The following CACNA1D variants were observed in gnomAD, a reference collection of about 807,000 sequenced individuals.
CACNA1D encodes the protein calcium voltage-gated channel subunit alpha1 D, also known as voltage-dependent L-type calcium channel subunit alpha-1D.
CACNA1D carries 55 observed loss-of-function variants against 257.1 expected under a neutral mutation model. That is an observed-to-expected ratio of 0.21 (90% CI 0.17 to 0.27). The LOEUF (loss-of-function observed/expected upper bound fraction) is 0.27. Among genes scored for constraint, CACNA1D ranks in the 10% least tolerant of loss-of-function variants. The pLI, the probability that CACNA1D is intolerant of heterozygous loss-of-function variation, is 1.00. For synonymous variants in CACNA1D, 980 were observed against 1,014.9 expected (o/e 0.97, Z 0.65); for missense variants, 1,876 against 2,784.0 (o/e 0.67, Z 7.34).
intron 39 of CACNA1D, chr3:53,786,534 G>A: frequency 2.5e-6 from 1 of 395,546 alleles, no homozygotes; most frequent in Non-Finnish European, 4.7e-6. Context: ...ATTTCATAGT[G>A]TTACTAATAT....
At position 53,666,549 on chromosome 3, in the gene CACNA1D, G is replaced by C. The variant is rs199753638; in HGVS notation, c.1116+14G>C. 1 of 1,602,424 alleles carries C rather than the reference G, an allele frequency of 6.2e-7. No individual in the cohort carries two copies. Among genetic ancestry groups the C allele is most frequent in the African/African-American group, 1.3e-5 (1 of 74,624 alleles). Reference sequence around the variant, plus strand: ...GTGCTCTACTGGGTAAGTACCCTGGGGAGAGAGTTTATGGAGTGTTCTTTG... The same window carrying C: ...GTGCTCTACTGGGTAAGTACCCTGGCGAGAGAGTTTATGGAGTGTTCTTTG... On this transcript the variant is annotated intron_variant, in intron 7 of 47. Transcript: ENST00000350061.
chr3:53,507,954 A>C (rs2090924326), intron 3 of CACNA1D, among the ~76,000 whole-genome samples: 1 of 146,178 alleles, frequency 6.8e-6, no homozygotes, highest in South Asian at 2.3e-4. Context: ...ACTGGGTAGA[A>C]ATGGCATCAG....
At chr3:53,682,887 A>G (rs2094445421) in intron 8 of CACNA1D, among the ~76,000 whole-genome samples, 1 of 152,240 alleles carries the variant, frequency 6.6e-6, no homozygotes, top group African/African-American at 2.4e-5. Context: ...AACTATTTTC[A>G]GAAAATGGAA....
intron 40 of CACNA1D, chr3:53,791,311 A>G (rs2095481799): frequency 2.9e-6 from 1 of 348,654 alleles, no homozygotes; most frequent in East Asian, 5.0e-5. Context: ...GCAGAGACTC[A>G]GAGAAAGGGA....
At chr3:53,794,667 G>A (rs529539759) in intron 40 of CACNA1D, among the ~76,000 whole-genome samples, 19 of 152,362 alleles carry the variant, frequency 1.2e-4, no homozygotes, top group Middle Eastern at 3.4e-3. Flanking sequence ...AATATTTACT[G>A]TCTTAGAAAT....
chr3:53,764,055 G>A (rs1292721790), intron 30 of CACNA1D, among the ~76,000 whole-genome samples: 7 of 152,110 alleles, frequency 4.6e-5, no homozygotes, highest in African/African-American at 1.4e-4. Context: ...TTTAAGCCTC[G>A]TCATGCCACG....
At chr3:53,740,597 A>ATT in intron 21 of CACNA1D, 1 of 426,144 alleles carries the variant, frequency 2.3e-6, no homozygotes, top group South Asian at 2.8e-5. Flanking sequence ...GGTTGAGCTA[A>ATT]GTTTTTTTTT....
rs2094343839 is a variant in CACNA1D at position 53,673,341 on chromosome 3, G to C, written c.1220+215G>C. On this transcript the variant is annotated intron_variant, in intron 8 of 47. Coordinates refer to ENST00000350061, the MANE Select transcript of CACNA1D (RefSeq NM_001128840.3). The surrounding 1 kb of genome is among the most constrained non-coding windows in gnomAD (Gnocchi z 4.1). ...AGAACTATAGAACGATTATTGACCA[G>C]AAATTAATCAGCATTGTTGCTTGAG... 1.3e-5 allele frequency among the ~76,000 whole-genome samples: 2 copies of C among 152,188 alleles called. No homozygotes were observed. Among genetic ancestry groups the C allele is most frequent in the African/African-American group, 4.8e-5 (2 of 41,430 alleles).
chr3:53,521,962 C>CAAAA (rs34352856), intron 3 of CACNA1D, among the ~76,000 whole-genome samples: 1 of 125,516 alleles, frequency 8.0e-6, no homozygotes, highest in Non-Finnish European at 1.7e-5. Context: ...CCATCTCTAC[C>CAAAA]AAAAAAAAAA....
intron 3 of CACNA1D, among the ~76,000 whole-genome samples, chr3:53,541,365 A>G (rs972149261): frequency 9.2e-5 from 14 of 152,220 alleles, no homozygotes; most frequent in Admixed American, 1.3e-4. Flanking sequence ...CAGTATTTTC[A>G]AAAGATTGAC....
chr3:53,655,324 T>A (rs987010682), intron 4 of CACNA1D, among the ~76,000 whole-genome samples: 3 of 152,186 alleles, frequency 2.0e-5, no homozygotes, highest in African/African-American at 7.2e-5. Flanking sequence ...TTTCTCTGGG[T>A]GTGTACCCAG....
At position 53,495,017 on chromosome 3, in the gene CACNA1D, T is replaced by A. The variant is rs2090285617; in HGVS notation, c.-150T>A. 2.1e-6 allele frequency: 1 copy of A among 469,278 alleles called. No homozygotes were observed. The highest frequency in any genetic ancestry group is 4.3e-6 in the Non-Finnish European group (1 of 232,126). 29.1% of individuals were successfully genotyped at this position (469,278 alleles called of 1,614,324 possible). On this transcript the variant is annotated 5_prime_UTR_variant, in exon 1 of 48. Transcript: ENST00000350061. The surrounding 1 kb of genome is among the most constrained non-coding windows in gnomAD (Gnocchi z 5.1). ...AATTATCCTTATTTTCTGTTATTTG[T>A]CCCCGTCCCTCCCCACCCCCCTGCT...
chr3:53,601,572 A>C (rs2093442467), intron 3 of CACNA1D, among the ~76,000 whole-genome samples: 1 of 152,248 alleles, frequency 6.6e-6, no homozygotes, highest in South Asian at 2.1e-4. Context: ...CCTGGATAAT[A>C]CCATTCTGTT....
Position 53,811,406 on chromosome 3 carries a change from G to A in CACNA1D, c.6486G>A (p.Ter2162=). Residue 2162 remains the stop codon, a stop_retained_variant, in exon 48 of 48, where the codon TAG becomes TAA. Transcript: ENST00000350061. The surrounding 1 kb of genome is among the most constrained non-coding windows in gnomAD (Gnocchi z 4.2). Reference sequence around the variant, plus strand: ...AAATGATATGCATCACCACCTTGTAGCCCCCAGCGAGGGGCAGACTGGCTC... The same window carrying A: ...AAATGATATGCATCACCACCTTGTAACCCCCAGCGAGGGGCAGACTGGCTC... ...ADEMICITTL[*] is the part of the protein sequence containing the mutation. 1 of 1,553,146 alleles carries A rather than the reference G, an allele frequency of 6.4e-7. No homozygotes were observed. Among genetic ancestry groups the A allele is most frequent in the Non-Finnish European group, 8.7e-7 (1 of 1,147,560 alleles).
At chr3:53,593,412 G>A (rs1488203189) in intron 3 of CACNA1D, among the ~76,000 whole-genome samples, 1 of 152,168 alleles carries the variant, frequency 6.6e-6, no homozygotes, top group Non-Finnish European at 1.5e-5. Context: ...GGAATATGGT[G>A]TAAGTGGAAT....
chr3:53,516,882 G>A (rs143069621), intron 3 of CACNA1D, among the ~76,000 whole-genome samples: 200 of 152,336 alleles, frequency 1.3e-3, no homozygotes, highest in Non-Finnish European at 2.1e-3. Flanking sequence ...AAACCCATAA[G>A]ATGACAAATG....
Position 53,495,022 on chromosome 3 carries a change from G to T in CACNA1D, c.-145G>T, listed in dbSNP as rs1404696266. 1.6e-5 allele frequency: 7 copies of T among 439,006 alleles called. No individual in the cohort carries two copies. The highest frequency in any genetic ancestry group is 1.9e-5 in the Non-Finnish European group (4 of 212,490). The allele number at this position is 439,006 out of a possible 1,614,324, so 27.2% of individuals were successfully genotyped here. ...TCCTTATTTTCTGTTATTTGTCCCCGTCCCTCCCCACCCCCCTGCTGAAGC... is the reference window on the plus strand; with the variant it reads ...TCCTTATTTTCTGTTATTTGTCCCCTTCCCTCCCCACCCCCCTGCTGAAGC... On this transcript the variant is annotated 5_prime_UTR_variant, in exon 1 of 48. Coordinates refer to ENST00000350061, the MANE Select transcript of CACNA1D (RefSeq NM_001128840.3). The surrounding 1 kb of genome is among the most constrained non-coding windows in gnomAD (Gnocchi z 5.1).
At position 53,803,555 on chromosome 3, in the gene CACNA1D, C is replaced by A. The variant is rs1280489244; in HGVS notation, c.5568C>A (p.Ser1856Arg). 1.9e-6 allele frequency: 3 copies of A among 1,614,098 alleles called. No individual in the cohort carries two copies. The Admixed American group carries it at 5.0e-5, about 27-fold the overall frequency. ...GTGAGGAATGCTACGAGGATGACAG[C>A]TCGCCCACCTGGAGCAGGTGAGCTG... ...FSSEECYEDD[S>R]SPTWSRQNYG... is the part of the protein sequence containing the mutation. Residue 1856 changes from serine to arginine, a missense_variant, in exon 44 of 48, where the codon AGC becomes AGA. Coordinates refer to ENST00000350061, the MANE Select transcript of CACNA1D (RefSeq NM_001128840.3).
intron 26 of CACNA1D, among the ~76,000 whole-genome samples, chr3:53,748,373 A>G (rs907276852): frequency 1.3e-5 from 2 of 152,064 alleles, no homozygotes; most frequent in African/African-American, 2.4e-5. Context: ...AGAGTCAGAT[A>G]TTTTCAGGAG....
Sources: gnomAD v4.1 joint callset for allele counts (sites outside exome capture counted in the v4.1 genomes callset) on GRCh38, gnomAD v4.1.1 for gene constraint, Gnocchi (gnomAD v3.1) non-coding constraint, MANE v1.5 for transcripts, NCBI Gene and HGNC (gene_info 2026-07-23, HGNC 2026-07-21) for gene names.